Variants in JAKMIP3 observed in about 807,000 individuals in gnomAD.
The protein encoded by JAKMIP3 is janus kinase and microtubule-interacting protein 3.
A neutral mutation model predicts 118.5 loss-of-function variants in JAKMIP3; 58 were observed. The ratio of observed to expected loss-of-function variants is 0.49; its 90% CI spans 0.40 to 0.61. The LOEUF is 0.61. JAKMIP3 is among the 20% of genes least tolerant of loss of function. The pLI is 0.00. For synonymous variants in JAKMIP3, 486 were observed against 451.2 expected (o/e 1.08, Z -0.98); for missense variants, 950 against 1,109.0 (o/e 0.86, Z 2.04).
chr10:132,164,791 G>A, intron 21 of JAKMIP3, 56 bp downstream of exon 21: 2 of 1,207,732 alleles, frequency 1.7e-6, no homozygotes, highest in South Asian at 2.4e-5. Context: ...GAGGAACCCG[G>A]TGTCACCCCG....
At chr10:132,152,844 C>A in intron 16 of JAKMIP3, 114 bp from the exon 17 acceptor site, 1 of 766,734 alleles carries the variant, frequency 1.3e-6, no homozygotes, top group Non-Finnish European at 2.2e-6. Context: ...CTCTGGCCCC[C>A]ACCCAGGCGT....
At chr10:132,081,648 C>G (rs1266069085) in intron 1 of JAKMIP3, among the ~76,000 whole-genome samples, 1 of 152,120 alleles carries the variant, frequency 6.6e-6, no homozygotes, top group Non-Finnish European at 1.5e-5. Context: ...TCACGGTTGC[C>G]TCCGTTATTC....
chr10:132,135,860 C>A, intron 5 of JAKMIP3, 70 bp from the exon 6 acceptor site: 1 of 1,509,148 alleles, frequency 6.6e-7, no homozygotes, highest in South Asian at 1.3e-5. Context: ...GGTCAGTCAG[C>A]CGACTCTGCG....
Position 132,117,044 on chromosome 10 carries a change from C to T in JAKMIP3, c.136-33C>T. 3 of 1,577,176 alleles carry T rather than the reference C, an allele frequency of 1.9e-6. No individual in the cohort carries two copies. The highest frequency in any genetic ancestry group is 2.6e-6 in the Non-Finnish European group (3 of 1,158,098). ...TGTGAGTGTGTGCATGGCTGGAGCT[C>T]CTGCCACACTCAGTCTCGCTGTTGT... is the stretch of plus-strand genomic sequence containing the variant. On this transcript the variant is annotated intron_variant, in intron 2 of 23. Coordinates refer to ENST00000684848, the MANE Select transcript of JAKMIP3 (RefSeq NM_001323087.2). This position sits in a 1 kb window ranked among gnomAD's most constrained non-coding sequence, Gnocchi z 8.6.
At chr10:132,053,621 C>T (rs1224159708) in intron 1 of JAKMIP3, among the ~76,000 whole-genome samples, 1 of 152,220 alleles carries the variant, frequency 6.6e-6, no homozygotes, top group Non-Finnish European at 1.5e-5. Context: ...CCAACCCTAA[C>T]CTAACTCTAG....
intron 1 of JAKMIP3, among the ~76,000 whole-genome samples, chr10:132,042,190 C>CCTTCCTTCCTTCCTTT (rs2133764738): frequency 6.8e-6 from 1 of 147,128 alleles, no homozygotes; most frequent in East Asian, 2.0e-4. Flanking sequence ...CTCGCTCCTT[C>CCTTCCTTCCTTCCTTT]CTTCCTTCCT....
At chr10:132,096,933 C>G (rs992414462) in intron 1 of JAKMIP3, among the ~76,000 whole-genome samples, 1 of 152,202 alleles carries the variant, frequency 6.6e-6, no homozygotes, top group Non-Finnish European at 1.5e-5. Context: ...CCAAGAAGAG[C>G]CTGCTTCCTC....
At chr10:132,156,222 T>C (rs1455130143) in intron 19 of JAKMIP3, among the ~76,000 whole-genome samples, 2 of 152,096 alleles carry the variant, frequency 1.3e-5, no homozygotes, top group African/African-American at 2.4e-5. Flanking sequence ...CTCGGCTCAG[T>C]CTCTGTCCCC....
At chr10:132,100,084 C>T (rs2134705364) in intron 1 of JAKMIP3, among the ~76,000 whole-genome samples, 1 of 152,306 alleles carries the variant, frequency 6.6e-6, no homozygotes, top group Admixed American at 6.5e-5. Flanking sequence ...TGCCCCCGGG[C>T]TGATCCAGGC....
rs377726691 is a variant in JAKMIP3 at position 132,164,429 on chromosome 10, G to C, written c.2425-241G>C. Among the ~76,000 whole-genome samples, 222 of 152,380 alleles carry C rather than the reference G, an allele frequency of 1.5e-3. 7 individuals carry two copies. The South Asian group carries it at 0.044, about 30-fold the overall frequency. On this transcript the variant is annotated intron_variant, in intron 20 of 23. Transcript: ENST00000684848. The stretch of plus-strand genomic sequence containing the variant: ...TGTCAGGCGTTGTGCTTTCTGAGTT[G>C]AAGTTGCAGGAATTGGAAGGATATT...
intron 1 of JAKMIP3, among the ~76,000 whole-genome samples, chr10:132,082,310 G>A (rs561287202): frequency 1.3e-5 from 2 of 152,090 alleles, no homozygotes; most frequent in South Asian, 4.2e-4. Flanking sequence ...TGATTTGTGA[G>A]ATTTTGGTGC....
intron 2 of JAKMIP3, among the ~76,000 whole-genome samples, chr10:132,111,013 C>A (rs2001813): frequency 6.6e-6 from 1 of 152,160 alleles, no homozygotes; most frequent in Admixed American, 6.5e-5. Context: ...CACTGCCCGC[C>A]CTCCTGCAGG....
At chr10:132,084,218 A>G (rs1275517497) in intron 1 of JAKMIP3, among the ~76,000 whole-genome samples, 1 of 152,070 alleles carries the variant, frequency 6.6e-6, no homozygotes, top group East Asian at 1.9e-4. Flanking sequence ...TTCTTTCAGC[A>G]GTGTTTTATA....
chr10:132,169,235 T>A (rs1359033883), intron 23 of JAKMIP3, among the ~76,000 whole-genome samples: 1 of 152,086 alleles, frequency 6.6e-6, no homozygotes, highest in African/African-American at 2.4e-5. Flanking sequence ...GAGCTGTCGC[T>A]GGGGCAGGGT....
intron 6 of JAKMIP3, among the ~76,000 whole-genome samples, 160 bp downstream of exon 6, chr10:132,136,236 C>A (rs750644453): frequency 6.6e-6 from 1 of 152,232 alleles, no homozygotes; most frequent in African/African-American, 2.4e-5. Context: ...GGGGAGCAAC[C>A]GCCAAGCCCA....
intron 23 of JAKMIP3, among the ~76,000 whole-genome samples, chr10:132,173,194 C>T (rs1350787686): frequency 1.7e-5 from 1 of 57,738 alleles, no homozygotes; most frequent in Admixed American, 1.8e-4. Flanking sequence ...CTCTCTCTCT[C>T]TCTCCCCCCC....
At chr10:132,115,772 C>T (rs1307187184) in intron 2 of JAKMIP3, among the ~76,000 whole-genome samples, 1 of 151,804 alleles carries the variant, frequency 6.6e-6, no homozygotes, top group Non-Finnish European at 1.5e-5. Flanking sequence ...AAAGTTAACT[C>T]GTGAAAAAAA....
chr10:132,071,930 T>TCCTTCCTTC (rs1347716998), intron 1 of JAKMIP3, among the ~76,000 whole-genome samples: 17 of 147,050 alleles, frequency 1.2e-4, no homozygotes, highest in Admixed American at 2.7e-4. Context: ...TTCCTTCCTT[T>TCCTTCCTTC]CTTTCCTTTT....
intron 1 of JAKMIP3, among the ~76,000 whole-genome samples, chr10:132,077,293 C>A (rs758826548): frequency 6.6e-6 from 1 of 152,146 alleles, no homozygotes; most frequent in Non-Finnish European, 1.5e-5. Flanking sequence ...GGGTTCTGGG[C>A]AGGGGGTGTC....
Sources: gnomAD v4.1 joint callset for allele counts (sites outside exome capture counted in the v4.1 genomes callset) on GRCh38, gnomAD v4.1.1 for gene constraint, Gnocchi (gnomAD v3.1) non-coding constraint, MANE v1.5 for transcripts, NCBI Gene and HGNC (gene_info 2026-07-23, HGNC 2026-07-21) for gene names.